Variants in S100A8 observed in about 807,000 individuals in gnomAD.
S100A8 encodes the protein S100 calcium binding protein A8.
A neutral mutation model predicts 4.2 loss-of-function variants in S100A8; 1 was observed. The observed-to-expected ratio is 0.24, with a 90% CI of 0.08 to 1.12. The LOEUF (loss-of-function observed/expected upper bound fraction) is 1.12, where lower values mean the gene tolerates loss of function less well. Ranked by LOEUF, S100A8 falls within the 50% of genes most tolerant of loss-of-function variation. The pLI, the probability that S100A8 is intolerant of heterozygous loss-of-function variation, is 0.53. For synonymous variants in S100A8, 41 were observed against 44.7 expected (o/e 0.92, Z 0.33); for missense variants, 96 against 111.8 (o/e 0.86, Z 0.64).
At chr1:153,422,350 A>G in the S100A8 span, 5 of 205,702 alleles carry the variant, frequency 2.4e-5, no homozygotes, top group Non-Finnish European at 4.3e-5. Flanking sequence ...GACATTTTAG[A>G]GCAAGGCCTA....
the S100A8 span, among the ~76,000 whole-genome samples, chr1:153,397,022 G>T: frequency 2.0e-5 from 3 of 152,260 alleles, no homozygotes; most frequent in African/African-American, 7.2e-5. Context: ...GAGGTAAACT[G>T]GGCACCATTG....
chr1:153,394,009 G>C (rs1662161056), upstream of S100A8, among the ~76,000 whole-genome samples: 1 of 152,168 alleles, frequency 6.6e-6, no homozygotes, highest in Non-Finnish European at 1.5e-5. Context: ...GGGTGCTTTG[G>C]GGACAGCAGG....
chr1:153,404,826 G>A, the S100A8 span, among the ~76,000 whole-genome samples: 1 of 151,972 alleles, frequency 6.6e-6, no homozygotes, highest in Non-Finnish European at 1.5e-5. Context: ...GGTGCCCGAC[G>A]TGGGACTCAC....
the S100A8 span, among the ~76,000 whole-genome samples, chr1:153,418,534 C>G: frequency 2.6e-5 from 4 of 152,148 alleles, no homozygotes; most frequent in African/African-American, 9.7e-5. Context: ...CTCACATGCT[C>G]AGGTCCTGCT....
the S100A8 span, among the ~76,000 whole-genome samples, chr1:153,411,292 C>CA: frequency 6.6e-6 from 1 of 152,170 alleles, no homozygotes; most frequent in South Asian, 2.1e-4. Context: ...TCTCAGGATA[C>CA]AAAATCAATG....
chr1:153,406,038 C>T, the S100A8 span, among the ~76,000 whole-genome samples: 1 of 152,138 alleles, frequency 6.6e-6, no homozygotes, highest in Admixed American at 6.5e-5. Context: ...GGAACATTCC[C>T]GTGGCTCCCT....
At chr1:153,408,421 T>C in the S100A8 span, among the ~76,000 whole-genome samples, 6 of 152,088 alleles carry the variant, frequency 3.9e-5, no homozygotes, top group South Asian at 1.2e-3. Context: ...AAGAGAAGTT[T>C]AGAGAAAAAA....
At chr1:153,408,659 A>G in the S100A8 span, among the ~76,000 whole-genome samples, 1 of 152,160 alleles carries the variant, frequency 6.6e-6, no homozygotes, top group Admixed American at 6.5e-5. Flanking sequence ...AAGAGCAACT[A>G]CAAGACACAT....
chr1:153,394,858 T>G (rs1662178796), upstream of S100A8, among the ~76,000 whole-genome samples: 1 of 152,066 alleles, frequency 6.6e-6, no homozygotes, highest in Admixed American at 6.5e-5. Flanking sequence ...CCTGCAGTCC[T>G]GTGCGCAGGT....
chr1:153,393,364 G>A (rs767865558), upstream of S100A8, among the ~76,000 whole-genome samples: 31 of 152,074 alleles, frequency 2.0e-4, no homozygotes, highest in Non-Finnish European at 3.7e-4. Flanking sequence ...TTTTCTTTGG[G>A]ACCAGGAGAC....
the S100A8 span, chr1:153,396,479 A>T: frequency 6.5e-6 from 1 of 152,886 alleles, no homozygotes; most frequent in Non-Finnish European, 1.5e-5. Context: ...GCACACACAC[A>T]CAGGGACACA....
At chr1:153,412,552 C>A in the S100A8 span, among the ~76,000 whole-genome samples, 1 of 152,142 alleles carries the variant, frequency 6.6e-6, no homozygotes, top group Non-Finnish European at 1.5e-5. Context: ...ACTAGTTCAA[C>A]CATTGTGGAA....
chr1:153,417,560 C>T, the S100A8 span, among the ~76,000 whole-genome samples: 1 of 152,198 alleles, frequency 6.6e-6, no homozygotes, highest in Non-Finnish European at 1.5e-5. Context: ...CTGTGTCATG[C>T]AGGGCTTGCA....
chr1:153,390,317 G>T (rs1043089043), intron 2 of S100A8, 74 bp from the exon 3 acceptor site: 1 of 1,602,682 alleles, frequency 6.2e-7, no homozygotes, highest in Non-Finnish European at 8.5e-7. Flanking sequence ...ATCTATGAAG[G>T]GTGGCAGGGA....
the S100A8 span, chr1:153,421,984 G>A: frequency 6.6e-6 from 1 of 152,214 alleles, no homozygotes; most frequent in Non-Finnish European, 1.5e-5. Flanking sequence ...GTCAATGCAG[G>A]ACTCATCACA....
chr1:153,408,554 C>A, the S100A8 span, among the ~76,000 whole-genome samples: 1 of 152,142 alleles, frequency 6.6e-6, no homozygotes, highest in Non-Finnish European at 1.5e-5. Context: ...AAACAGTCTG[C>A]AGGATATTAT....
rs2101608295 is a variant in S100A8 at position 153,390,303 on chromosome 1, AG to A, written c.142-61del. On this transcript the variant is annotated intron_variant, in intron 2 of 2. Transcript: ENST00000368733. ...AAGATCTCAGAGAGAGCCGAGGCAT[AG>A]CCATCTATGAAGGGTGGCAGGGAGG... 4 of 1,601,788 alleles carry A rather than the reference AG, an allele frequency of 2.5e-6. No homozygotes were observed. In the East Asian group the frequency reaches 6.7e-5, roughly 27 times the overall value.
chr1:153,402,678 T>A, the S100A8 span, among the ~76,000 whole-genome samples: 130 of 152,338 alleles, frequency 8.5e-4, no homozygotes, highest in Middle Eastern at 3.4e-3. Context: ...CATGCTATTG[T>A]AAAGCTGATA....
At chr1:153,395,025 A>G (rs909401149), upstream of S100A8, among the ~76,000 whole-genome samples, 2 of 152,160 alleles carry the variant, frequency 1.3e-5, no homozygotes, top group Non-Finnish European at 1.5e-5. Context: ...GGGATTCTGC[A>G]TTAGATCCCT....
Sources: allele counts gnomAD v4.1 joint callset (sites outside exome capture counted in the v4.1 genomes callset), GRCh38; gene constraint gnomAD v4.1.1; transcripts MANE v1.5; gene names NCBI Gene and HGNC (gene_info 2026-07-23, HGNC 2026-07-21).